Variants in PABPN1L observed in about 807,000 individuals in gnomAD.
PABPN1L encodes embryonic polyadenylate-binding protein 2.
PABPN1L carries 45 observed loss-of-function variants against 34.0 expected under a neutral mutation model. That is an observed-to-expected ratio of 1.32 (90% CI 1.04 to 1.70). The LOEUF (loss-of-function observed/expected upper bound fraction) is 1.70. Among genes scored for constraint, PABPN1L ranks in the 40% most tolerant of loss-of-function variants. The pLI is 0.00. For synonymous variants in PABPN1L, 182 were observed against 152.1 expected, an observed-to-expected ratio of 1.20 and a Z score of -1.45; for missense variants, 459 against 367.8, an observed-to-expected ratio of 1.25 and a Z score of -2.03.
chr16:88,864,539 T>A (rs1467523737), intron 5 of PABPN1L, among the ~76,000 whole-genome samples, 160 bp from the exon 6 acceptor site: 1 of 146,596 alleles, frequency 6.8e-6, no homozygotes, highest in Non-Finnish European at 1.5e-5. Flanking sequence ...AGCTGTCATA[T>A]GACACCCCGT....
intron 5 of PABPN1L, among the ~76,000 whole-genome samples, chr16:88,864,582 C>T (rs1223481033): frequency 7.2e-5 from 11 of 152,044 alleles, no homozygotes; most frequent in South Asian, 2.1e-4. Context: ...GGGGGGGTCA[C>T]GGCCAGCACC....
At chr16:88,865,493 G>A (rs1968568895) in intron 3 of PABPN1L, 70 bp downstream of exon 3, 28 of 1,551,070 alleles carry the variant, frequency 1.8e-5, no homozygotes, top group Middle Eastern at 1.8e-4. Flanking sequence ...GCCCATGGCC[G>A]GGCGCCAGAC....
chr16:88,863,640 A>G, exon 7 of PABPN1L: 1 of 1,293,542 alleles, frequency 7.7e-7, no homozygotes, highest in East Asian at 2.5e-5. Flanking sequence ...TGCTCTGGAC[A>G]CCCCTCTCCT....
At chr16:88,865,925 T>C in exon 2 of PABPN1L, 1 of 1,607,994 alleles carries the variant, frequency 6.2e-7, no homozygotes, top group Non-Finnish European at 8.5e-7. Flanking sequence ...CACCTTCATC[T>C]TGATGGCCTC....
At chr16:88,863,632 C>T (rs1484691514) in exon 7 of PABPN1L, 1 of 1,259,644 alleles carries the variant, frequency 7.9e-7, no homozygotes, top group South Asian at 1.3e-5. Flanking sequence ...CCAGTGGCTG[C>T]TCTGGACACC....
At position 88,866,468 on chromosome 16, in the gene PABPN1L, CT is replaced by C; in HGVS notation, c.138del (p.Lys48ArgfsTer45). 6.4e-7 allele frequency: 1 copy of C among 1,551,566 alleles called. No individual in the cohort carries two copies. Among genetic ancestry groups the C allele is most frequent in the Non-Finnish European group, 8.7e-7 (1 of 1,147,186 alleles). On this transcript the variant is annotated frameshift_variant, in exon 1 of 7. Transcript: ENST00000419291. LOFTEE classifies it high-confidence loss of function. Reference sequence around the variant, plus strand: ...TCTTCCTCCTCTTTCTCCTCCTTCCCTTCCCCACCCTCTGGCCCCAGAATCT... The same window carrying C: ...TCTTCCTCCTCTTTCTCCTCCTTCCCTCCCCACCCTCTGGCCCCAGAATCT...
intron 3 of PABPN1L, 135 bp downstream of exon 3, chr16:88,865,428 T>A: frequency 8.8e-7 from 1 of 1,133,378 alleles, no homozygotes; most frequent in East Asian, 2.6e-5. Context: ...CAGTGTTTCC[T>A]CAAGGTGACG....
chr16:88,869,912 G>C (rs1394696856), upstream of PABPN1L, among the ~76,000 whole-genome samples: 1 of 152,210 alleles, frequency 6.6e-6, no homozygotes, highest in Non-Finnish European at 1.5e-5. Flanking sequence ...CCCTGTTCCA[G>C]AGCCGGGCCT....
At chr16:88,868,728 G>A (rs1404784918), upstream of PABPN1L, among the ~76,000 whole-genome samples, 2 of 152,312 alleles carry the variant, frequency 1.3e-5, no homozygotes, top group East Asian at 3.9e-4. Flanking sequence ...AAGTGGTAGC[G>A]TTCCTTTGAA....
At position 88,864,399 on chromosome 16, in the gene PABPN1L, T is replaced by C; in HGVS notation, c.655-20A>G. ...CAGCACCTGGAGCAAAGGCCTGTTT[T>C]GAGTCCTCCTCAAGGAGCAGCCGAG... On this transcript the variant is annotated intron_variant, in intron 5 of 6. Coordinates refer to ENST00000419291, the Ensembl canonical transcript of PABPN1L. 2 of 1,550,538 alleles carry C rather than the reference T, an allele frequency of 1.3e-6. No homozygotes were observed. Among genetic ancestry groups the C allele is most frequent in the Non-Finnish European group, 1.7e-6 (2 of 1,146,760 alleles).
At chr16:88,868,162 G>A (rs1968637631), upstream of PABPN1L, among the ~76,000 whole-genome samples, 1 of 152,222 alleles carries the variant, frequency 6.6e-6, no homozygotes, top group South Asian at 2.1e-4. Flanking sequence ...CCTGCACCCA[G>A]TCTGTTCTCA....
At chr16:88,866,549 T>C (rs775285086) in exon 1 of PABPN1L, 2 of 1,552,236 alleles carry the variant, frequency 1.3e-6, no homozygotes, top group Non-Finnish European at 1.7e-6. Context: ...GAGGAGACCG[T>C]CTGGAGCCAG....
exon 5 of PABPN1L, chr16:88,864,872 A>T (rs893257806): frequency 6.2e-6 from 10 of 1,602,684 alleles, no homozygotes; most frequent in Non-Finnish European, 8.5e-6. Context: ...CCGGCCCCGG[A>T]AGAGGCTCTG....
Position 88,865,120 on chromosome 16 carries a change from G to A in PABPN1L, c.468C>T (p.Tyr156=), listed in dbSNP as rs375099896. 3.1e-5 allele frequency: 48 copies of A among 1,571,948 alleles called. 1 individual carries two copies. Among genetic ancestry groups the A allele is most frequent in the South Asian group, 1.4e-4 (12 of 85,842 alleles). Residue 156 remains tyrosine, a synonymous_variant, in exon 4 of 7, where the codon TAC becomes TAT. Transcript: ENST00000419291. ...CCTCCAGCTCCTCGGCGGAGCCCCC[G>A]TAGTCCACCTGCACCCAGGCCCAGA...
chr16:88,865,800 T>C lies in PABPN1L; in HGVS notation c.391+6A>G. ...GTGGGGGGCGGCCTGTGCCCTTGGTTCCTACCCACGGTCTCAGGGCTCAGC... is the reference window on the plus strand; with the variant it reads ...GTGGGGGGCGGCCTGTGCCCTTGGTCCCTACCCACGGTCTCAGGGCTCAGC... On this transcript the variant is annotated splice_donor_region_variant and intron_variant, in intron 2 of 6. Transcript: ENST00000419291. The C allele has an allele frequency of 6.2e-7, 1 of 1,601,558 alleles. No individual in the cohort carries two copies.
At chr16:88,866,155 G>A (rs28418708) in intron 1 of PABPN1L, among the ~76,000 whole-genome samples, 197 bp downstream of exon 1, 4 of 152,274 alleles carry the variant, frequency 2.6e-5, no homozygotes, top group Middle Eastern at 3.4e-3. Context: ...TTCCCCAGGC[G>A]AGAGAGGCCA....
At chr16:88,865,595 C>T in exon 3 of PABPN1L, 1 of 1,611,632 alleles carries the variant, frequency 6.2e-7, no homozygotes, top group Non-Finnish European at 8.5e-7. Context: ...TGGTCAGCCT[C>T]CACCTTCTCC....
At chr16:88,867,798 G>A (rs1341877804), upstream of PABPN1L, among the ~76,000 whole-genome samples, 1 of 152,212 alleles carries the variant, frequency 6.6e-6, no homozygotes, top group Non-Finnish European at 1.5e-5. Context: ...GTCTGCTCTG[G>A]CCTTCATCTC....
intron 3 of PABPN1L, 23 bp downstream of exon 3, chr16:88,865,540 C>T: frequency 6.2e-7 from 1 of 1,606,924 alleles, no homozygotes; most frequent in South Asian, 1.1e-5. Flanking sequence ...GCTGCCTGCC[C>T]CTTCACCCCG....
Sources: gnomAD v4.1 joint callset for allele counts (sites outside exome capture counted in the v4.1 genomes callset) on GRCh38, gnomAD v4.1.1 for gene constraint, MANE v1.5 for transcripts, NCBI Gene and HGNC (gene_info 2026-07-23, HGNC 2026-07-21) for gene names.